CNTNAP2: variants seen among roughly 807,000 people sequenced by gnomAD.
CNTNAP2 encodes the protein contactin associated protein 2, also known as contactin-associated protein-like 2.
CNTNAP2 carries 98 observed loss-of-function variants against 155.2 expected under a neutral mutation model. The ratio of observed to expected loss-of-function variants is 0.63; its 90% confidence interval spans 0.54 to 0.75. The LOEUF (loss-of-function observed/expected upper bound fraction) is 0.75. Ranked by LOEUF, CNTNAP2 falls within the 30% of genes least tolerant of loss-of-function variation. The pLI, the probability that CNTNAP2 is intolerant of heterozygous loss-of-function variation, is 0.00. For synonymous variants in CNTNAP2, 651 were observed against 631.2 expected (o/e 1.03, Z -0.47); for missense variants, 1,727 against 1,688.1 (o/e 1.02, Z -0.40).
chr7:147,983,932 G>T (rs997757390), intron 15 of CNTNAP2, among the ~76,000 whole-genome samples: 5 of 152,116 alleles, frequency 3.3e-5, no homozygotes, highest in African/African-American at 1.2e-4. Flanking sequence ...GGCCTGGAAG[G>T]GGAAAGATCT....
At chr7:147,925,888 G>A (rs1488310675) in intron 14 of CNTNAP2, among the ~76,000 whole-genome samples, 1 of 151,958 alleles carries the variant, frequency 6.6e-6, no homozygotes, top group Non-Finnish European at 1.5e-5. Context: ...CTCAACTCCT[G>A]GCAACAACTG....
intron 3 of CNTNAP2, among the ~76,000 whole-genome samples, chr7:146,950,403 GC>G (rs1797284707): frequency 6.6e-6 from 1 of 151,864 alleles, no homozygotes; most frequent in African/African-American, 2.4e-5. Flanking sequence ...CCATTAACCC[GC>G]CATCTACATT....
intron 1 of CNTNAP2, among the ~76,000 whole-genome samples, chr7:146,467,320 G>A (rs1367818846): frequency 6.6e-6 from 1 of 152,056 alleles, no homozygotes; most frequent in African/African-American, 2.4e-5. Flanking sequence ...TGGAGTCGTT[G>A]ACATGACTGA....
chr7:146,932,865 G>C (rs1380995312), intron 3 of CNTNAP2, among the ~76,000 whole-genome samples: 2 of 152,004 alleles, frequency 1.3e-5, no homozygotes, highest in African/African-American at 2.4e-5. Context: ...AAATACCTAG[G>C]AATCCAACTC....
At chr7:146,969,377 T>C (rs1797732568) in intron 3 of CNTNAP2, among the ~76,000 whole-genome samples, 2 of 152,130 alleles carry the variant, frequency 1.3e-5, no homozygotes, top group Non-Finnish European at 2.9e-5. Flanking sequence ...GTTAACTTTC[T>C]GTCTTGTTGA....
At chr7:146,163,196 G>T (rs1233584771) in intron 1 of CNTNAP2, among the ~76,000 whole-genome samples, 1 of 151,832 alleles carries the variant, frequency 6.6e-6, no homozygotes, top group African/African-American at 2.4e-5. Context: ...TAAAGCAATT[G>T]AATGTACATA....
chr7:147,485,068 G>C (rs1798487621), intron 10 of CNTNAP2, among the ~76,000 whole-genome samples: 1 of 152,138 alleles, frequency 6.6e-6, no homozygotes, highest in Non-Finnish European at 1.5e-5. Context: ...CATTGAAACA[G>C]GGGTGTTTCA....
chr7:146,444,840 TGGA>T (rs1474595960), intron 1 of CNTNAP2, among the ~76,000 whole-genome samples: 1 of 151,688 alleles, frequency 6.6e-6, no homozygotes, highest in African/African-American at 2.4e-5. Flanking sequence ...GTGTTTTTAG[TGGA>T]GACAGCTTTC....
chr7:146,842,089 G>T lies in CNTNAP2; in HGVS notation c.402+2185G>T, dbSNP rs190037970. 1.9e-3 allele frequency among the ~76,000 whole-genome samples: 291 copies of T among 152,160 alleles called. 5 individuals carry two copies. Among genetic ancestry groups the T allele is most frequent in the Non-Finnish European group, 1.1e-3 (76 of 68,020 alleles). On this transcript the variant is annotated intron_variant, in intron 3 of 23. Coordinates refer to ENST00000361727, the MANE Select transcript of CNTNAP2 (RefSeq NM_014141.6). The stretch of plus-strand genomic sequence containing the variant: ...TTTAGTAGAGACAGGGTTTCACCAG[G>T]TTGGTCAGTCTGCTCTTGAATTCCT...
At chr7:148,339,624 G>C (rs1259224502) in intron 21 of CNTNAP2, 1 of 152,474 alleles carries the variant, frequency 6.6e-6, no homozygotes, top group East Asian at 1.9e-4. Flanking sequence ...ACCGGGGCTG[G>C]CGGGAAGAGG....
chr7:147,066,758 T>G (rs1799786653), intron 4 of CNTNAP2, among the ~76,000 whole-genome samples: 2 of 152,218 alleles, frequency 1.3e-5, no homozygotes, highest in African/African-American at 4.8e-5. Flanking sequence ...CCTCTTTATT[T>G]TGAAGACCAC....
rs569995026 is a variant in CNTNAP2 at position 148,020,644 on chromosome 7, G to A, written c.2383+42655G>A. Among the ~76,000 whole-genome samples the A allele has an allele frequency of 4.6e-5, 7 of 152,288 alleles. No homozygotes were observed. In the South Asian group the frequency reaches 1.5e-3, roughly 32 times the overall value. ...GAATTATATGATTGTCTACCCCACA[G>A]TTTCAGTAAAACGATATTTTTTCCT... On this transcript the variant is annotated intron_variant, in intron 15 of 23. Coordinates refer to ENST00000361727, the MANE Select transcript of CNTNAP2 (RefSeq NM_014141.6).
intron 1 of CNTNAP2, among the ~76,000 whole-genome samples, chr7:146,362,840 G>A (rs1340093373): frequency 7.0e-6 from 1 of 143,160 alleles, no homozygotes; most frequent in Admixed American, 7.6e-5. Context: ...GCACGATCTC[G>A]GCTCACTGTA....
chr7:147,842,175 T>G (rs1250504951), intron 13 of CNTNAP2, among the ~76,000 whole-genome samples: 2 of 152,224 alleles, frequency 1.3e-5, no homozygotes, highest in African/African-American at 4.8e-5. Flanking sequence ...ATTTTGCAGA[T>G]AAGGAAATTA....
intron 4 of CNTNAP2, among the ~76,000 whole-genome samples, chr7:147,105,177 C>T (rs1800740157): frequency 6.6e-6 from 1 of 151,458 alleles, no homozygotes; most frequent in Non-Finnish European, 1.5e-5. Context: ...ATATGGTAAA[C>T]ACTTCTTCAA....
chr7:146,147,715 A>G (rs1035676113), intron 1 of CNTNAP2, among the ~76,000 whole-genome samples: 1 of 152,122 alleles, frequency 6.6e-6, no homozygotes, highest in Non-Finnish European at 1.5e-5. Context: ...CTATCCTGTT[A>G]CGTTGACTTC....
chr7:146,731,529 A>G (rs910763893), intron 1 of CNTNAP2, among the ~76,000 whole-genome samples: 5 of 152,148 alleles, frequency 3.3e-5, no homozygotes, highest in Admixed American at 2.0e-4. Context: ...AGACCTGAGC[A>G]GCAGAGTGAG....
At chr7:148,042,630 C>T (rs1173661661) in intron 15 of CNTNAP2, among the ~76,000 whole-genome samples, 1 of 152,290 alleles carries the variant, frequency 6.6e-6, no homozygotes, top group Non-Finnish European at 1.5e-5. Context: ...GCCAAACTTA[C>T]TTATTTGCTG....
chr7:146,983,431 CAG>C (rs907515257), intron 3 of CNTNAP2, among the ~76,000 whole-genome samples: 1 of 151,964 alleles, frequency 6.6e-6, no homozygotes, highest in Admixed American at 6.6e-5. Context: ...ACAAAAAAAA[CAG>C]AACAAAACCA....
Sources: allele counts gnomAD v4.1 joint callset (sites outside exome capture counted in the v4.1 genomes callset), GRCh38; gene constraint gnomAD v4.1.1; transcripts MANE v1.5; gene names NCBI Gene and HGNC (gene_info 2026-07-23, HGNC 2026-07-21).